Variants in ZNF385D observed in about 807,000 individuals in gnomAD.
The protein encoded by ZNF385D is zinc finger protein 659.
In ZNF385D, 15 loss-of-function variants were observed where a neutral mutation model predicts 35.8. That is an observed-to-expected ratio of 0.42 (90% CI 0.28 to 0.64). The LOEUF is 0.64. ZNF385D is among the 30% of genes least tolerant of loss of function. The pLI, the probability that ZNF385D is intolerant of heterozygous loss-of-function variation, is 0.23. For synonymous variants in ZNF385D, 212 were observed against 186.8 expected, an observed-to-expected ratio of 1.13 and a Z score of -1.10; for missense variants, 474 against 494.6, an observed-to-expected ratio of 0.96 and a Z score of 0.39.
chr3:21,533,808 A>G (rs1364853887), intron 3 of ZNF385D, among the ~76,000 whole-genome samples: 1 of 152,142 alleles, frequency 6.6e-6, no homozygotes, highest in Non-Finnish European at 1.5e-5. Flanking sequence ...ACTGTAAGGC[A>G]GAGTTAAATT....
intron 2 of ZNF385D, among the ~76,000 whole-genome samples, chr3:21,589,727 T>TAAAC (rs1469943203): frequency 6.6e-6 from 1 of 151,904 alleles, no homozygotes; most frequent in African/African-American, 2.4e-5. Flanking sequence ...AACATACCAA[T>TAAAC]AAACATAAAA....
intron 2 of ZNF385D, among the ~76,000 whole-genome samples, chr3:22,257,648 G>A (rs1167277433): frequency 1.3e-5 from 2 of 151,816 alleles, no homozygotes; most frequent in Non-Finnish European, 2.9e-5. Context: ...CCCAGCATCT[G>A]AGTGAAGGAT....
At chr3:21,885,394 T>C (rs1209322911) in intron 3 of ZNF385D, among the ~76,000 whole-genome samples, 1 of 151,978 alleles carries the variant, frequency 6.6e-6, no homozygotes, top group Non-Finnish European at 1.5e-5. Flanking sequence ...TACCCTAATA[T>C]TGTGACACAA....
At chr3:22,126,677 T>C (rs567481095) in intron 3 of ZNF385D, among the ~76,000 whole-genome samples, 166 of 152,298 alleles carry the variant, frequency 1.1e-3, no homozygotes, top group African/African-American at 3.9e-3. Flanking sequence ...TGAAATGTTC[T>C]GTAGATATAT....
chr3:21,986,618 G>GTGGTT (rs1694818795), intron 3 of ZNF385D, among the ~76,000 whole-genome samples: 1 of 148,838 alleles, frequency 6.7e-6, no homozygotes, highest in Non-Finnish European at 1.5e-5. Context: ...TAGGTGTGGT[G>GTGGTT]TGGTGCTGAA....
At chr3:22,106,261 C>T (rs1435179165) in intron 3 of ZNF385D, among the ~76,000 whole-genome samples, 1 of 152,116 alleles carries the variant, frequency 6.6e-6, no homozygotes, top group Non-Finnish European at 1.5e-5. Flanking sequence ...CAGTAACAAA[C>T]CTATGCCCTT....
chr3:21,454,673 T>C (rs1702675866), intron 4 of ZNF385D, among the ~76,000 whole-genome samples: 1 of 152,180 alleles, frequency 6.6e-6, no homozygotes, highest in South Asian at 2.1e-4. Flanking sequence ...CTTTGAAAAC[T>C]GGCACAAGAC....
At chr3:22,213,242 C>G (rs1440017538) in intron 2 of ZNF385D, among the ~76,000 whole-genome samples, 4 of 151,844 alleles carry the variant, frequency 2.6e-5, no homozygotes, top group Non-Finnish European at 5.9e-5. Flanking sequence ...GACAGATAGG[C>G]TTTGTGGGCC....
At chr3:21,431,815 C>A (rs2125219231) in intron 5 of ZNF385D, among the ~76,000 whole-genome samples, 1 of 152,212 alleles carries the variant, frequency 6.6e-6, no homozygotes, top group South Asian at 2.1e-4. Flanking sequence ...GCCTTAATAG[C>A]AATAAGGTCA....
chr3:22,237,475 T>C (rs1423891641), intron 2 of ZNF385D, among the ~76,000 whole-genome samples: 1 of 152,204 alleles, frequency 6.6e-6, no homozygotes, highest in Non-Finnish European at 1.5e-5. Context: ...TTGATAGTGC[T>C]AGTTAATGCA....
intron 1 of ZNF385D, among the ~76,000 whole-genome samples, chr3:21,720,837 T>C (rs566670838): frequency 1.3e-5 from 2 of 152,024 alleles, no homozygotes; most frequent in South Asian, 4.2e-4. Flanking sequence ...AGTAGTGGGG[T>C]TTGGGAAGAA....
chr3:22,184,995 G>C (rs965921546), intron 2 of ZNF385D, among the ~76,000 whole-genome samples: 2 of 151,812 alleles, frequency 1.3e-5, no homozygotes, highest in Non-Finnish European at 2.9e-5. Context: ...GTTAAAATGT[G>C]TTTTAAATAA....
chr3:22,146,640 T>G (rs6791925), intron 3 of ZNF385D, among the ~76,000 whole-genome samples: 27,375 of 152,110 alleles, frequency 0.18, 2,788 homozygotes, highest in East Asian at 0.44. Context: ...TTTTCTCTAA[T>G]ATTTGTAAAA....
intron 4 of ZNF385D, among the ~76,000 whole-genome samples, chr3:21,446,534 T>C (rs1344440209): frequency 7.0e-6 from 1 of 142,534 alleles, no homozygotes; most frequent in Non-Finnish European, 1.5e-5. Flanking sequence ...CACTCTATCA[T>C]GCAGGCTGGA....
At chr3:21,666,929 T>A (rs931415125) in intron 1 of ZNF385D, among the ~76,000 whole-genome samples, 1 of 151,884 alleles carries the variant, frequency 6.6e-6, no homozygotes, top group African/African-American at 2.4e-5. Context: ...AATACAAAAA[T>A]TAGCCAAATG....
chr3:21,638,326 A>G (rs1474859948), intron 2 of ZNF385D, among the ~76,000 whole-genome samples: 2 of 152,062 alleles, frequency 1.3e-5, no homozygotes, highest in African/African-American at 4.8e-5. Flanking sequence ...CCCTCTGAGC[A>G]GAGGGCAGAT....
At chr3:22,263,862 G>C (rs2125349293) in intron 2 of ZNF385D, among the ~76,000 whole-genome samples, 1 of 151,984 alleles carries the variant, frequency 6.6e-6, no homozygotes, top group South Asian at 2.1e-4. Context: ...CCATGCACAG[G>C]ACAGCCCCTC....
Position 21,992,973 on chromosome 3 carries a change from C to T in ZNF385D, c.325+175844G>A, listed in dbSNP as rs190633619. 2.1e-3 allele frequency among the ~76,000 whole-genome samples: 319 copies of T among 152,324 alleles called. 1 individual carries two copies. The highest frequency in any genetic ancestry group is 7.3e-3 in the African/African-American group (303 of 41,588). Reference sequence around the variant, plus strand: ...ATTGTACAAATCGTCAAATCACCCACAGGAGTAGTATAGGAATTTTCTCTC... The same window carrying T: ...ATTGTACAAATCGTCAAATCACCCATAGGAGTAGTATAGGAATTTTCTCTC... On this transcript the variant is annotated intron_variant, in intron 3 of 5. Transcript: ENST00000494108.
chr3:22,246,696 G>C (rs1288314244), intron 2 of ZNF385D, among the ~76,000 whole-genome samples: 1 of 152,082 alleles, frequency 6.6e-6, no homozygotes, highest in Non-Finnish European at 1.5e-5. Context: ...AGGAGGGAAA[G>C]ATTATTGCAT....
Sources: allele counts gnomAD v4.1 joint callset (sites outside exome capture counted in the v4.1 genomes callset), GRCh38; gene constraint gnomAD v4.1.1; transcripts MANE v1.5; gene names NCBI Gene and HGNC (gene_info 2026-07-23, HGNC 2026-07-21).